The following SLAMF6 variants were observed in gnomAD, a reference collection of about 807,000 sequenced individuals.
The protein encoded by SLAMF6 is NK-T-B-antigen.
Under a neutral mutation model 38.3 loss-of-function variants are expected in SLAMF6, and 21 were observed. The observed-to-expected ratio is 0.55, with a 90% CI of 0.39 to 0.79. The LOEUF (loss-of-function observed/expected upper bound fraction) is 0.79, where lower values mean the gene tolerates loss of function less well. SLAMF6 is among the 30% of genes least tolerant of loss of function. The pLI, the probability that SLAMF6 is intolerant of heterozygous loss-of-function variation, is 0.00. For missense variants in SLAMF6, 341 were observed against 385.3 expected, an observed-to-expected ratio of 0.89 and a Z score of 0.96; for synonymous variants, 152 against 146.3, an observed-to-expected ratio of 1.04 and a Z score of -0.28.
At chr1:160,498,483 T>A (rs1653713913) in intron 1 of SLAMF6, among the ~76,000 whole-genome samples, 1 of 152,132 alleles carries the variant, frequency 6.6e-6, no homozygotes, top group African/African-American at 2.4e-5. Context: ...AAGTCACGTC[T>A]TACATGGTGG....
At chr1:160,513,430 A>G (rs1396239541) in intron 1 of SLAMF6, among the ~76,000 whole-genome samples, 1 of 152,264 alleles carries the variant, frequency 6.6e-6, no homozygotes, top group Non-Finnish European at 1.5e-5. Flanking sequence ...ACAAAGTTGG[A>G]AAACATACTT....
At chr1:160,490,317 T>A (rs1184267457) in intron 4 of SLAMF6, 81 bp from the exon 5 acceptor site, 7 of 1,602,506 alleles carry the variant, frequency 4.4e-6, no homozygotes, top group Non-Finnish European at 6.0e-6. Flanking sequence ...AGTGTTGGGA[T>A]GTGGTGGGAG....
chr1:160,512,330 C>A (rs1654513818), intron 1 of SLAMF6, among the ~76,000 whole-genome samples: 1 of 152,314 alleles, frequency 6.6e-6, no homozygotes, highest in African/African-American at 2.4e-5. Context: ...GCAACTCCAG[C>A]CAAGGGTTTA....
intron 1 of SLAMF6, among the ~76,000 whole-genome samples, chr1:160,508,429 A>G (rs191537742): frequency 4.0e-4 from 61 of 152,326 alleles, no homozygotes; most frequent in Admixed American, 1.2e-3. Context: ...TATTTAATAA[A>G]TGGTGCTGGG....
chr1:160,489,041 T>G (rs1163156477), intron 6 of SLAMF6, 47 bp downstream of exon 6: 7 of 1,517,674 alleles, frequency 4.6e-6, no homozygotes, highest in Non-Finnish European at 6.4e-6. Context: ...TTGTGAACAA[T>G]GGCTGTAAAA....
intron 3 of SLAMF6, 65 bp downstream of exon 3, chr1:160,491,060 A>G: frequency 6.3e-7 from 1 of 1,582,104 alleles, no homozygotes; most frequent in Non-Finnish European, 8.6e-7. Flanking sequence ...GAAATTACGT[A>G]GGATGTGAGG....
chr1:160,492,330 T>C (rs1394107745), intron 2 of SLAMF6, among the ~76,000 whole-genome samples: 1 of 152,170 alleles, frequency 6.6e-6, no homozygotes, highest in Non-Finnish European at 1.5e-5. Flanking sequence ...TACTGAAATA[T>C]TGCCAGAACA....
Position 160,521,306 on chromosome 1 carries a change from T to G in SLAMF6, c.49+1838A>C, listed in dbSNP as rs140948150. The stretch of plus-strand genomic sequence containing the variant: ...CATTTCCCCCATAAATGTGGGGCAG[T>G]GAGCAAGTTACTTTAGTGTTCTGTG... On this transcript the variant is annotated intron_variant, in intron 1 of 7. Coordinates refer to ENST00000368057, the MANE Select transcript of SLAMF6 (RefSeq NM_001184714.2). Among the ~76,000 whole-genome samples the G allele has an allele frequency of 2.6e-3, 389 of 152,306 alleles. 2 individuals carry two copies. The highest frequency in any genetic ancestry group is 8.8e-3 in the African/African-American group (365 of 41,584).
rs1654265011 is a variant in SLAMF6 at position 160,507,743 on chromosome 1, G to C, written c.50-11350C>G. 7.2e-5 allele frequency among the ~76,000 whole-genome samples: 11 copies of C among 152,072 alleles called. No homozygotes were observed. In the South Asian group the frequency reaches 2.3e-3, roughly 32 times the overall value. On this transcript the variant is annotated intron_variant, in intron 1 of 7. Transcript: ENST00000368057. ...GAAATCAAGAACAGAAGGAGAATTG[G>C]AAAATTCACAAATATGTCATAATTA...
intron 4 of SLAMF6, 140 bp from the exon 5 acceptor site, chr1:160,490,376 C>T (rs1367331032): frequency 7.2e-7 from 1 of 1,385,818 alleles, no homozygotes; most frequent in Non-Finnish European, 1.0e-6. Context: ...TCCCACTTTT[C>T]CCAGTAGGAC....
At position 160,486,890 on chromosome 1, in the gene SLAMF6, AT is replaced by A. The variant is rs1571276284; in HGVS notation, c.952-137del. Reference sequence around the variant, plus strand: ...TATTGATAGCATAGGGCAGGATTAAATTTAAAAACATGTAATTGAAAACTCA... The same window carrying A: ...TATTGATAGCATAGGGCAGGATTAAATTAAAAACATGTAATTGAAAACTCA... On this transcript the variant is annotated intron_variant, in intron 7 of 7. Coordinates refer to ENST00000368057, the MANE Select transcript of SLAMF6 (RefSeq NM_001184714.2). 4 of 1,052,890 alleles carry A rather than the reference AT, an allele frequency of 3.8e-6. No homozygotes were observed. In the East Asian group the frequency reaches 1.0e-4, roughly 27 times the overall value. 65.2% of individuals were successfully genotyped at this position (1,052,890 alleles called of 1,614,324 possible).
At chr1:160,493,948 A>T (rs1052104957) in intron 2 of SLAMF6, among the ~76,000 whole-genome samples, 2 of 152,098 alleles carry the variant, frequency 1.3e-5, no homozygotes, top group Non-Finnish European at 2.9e-5. Context: ...GAAACCTCCC[A>T]CATGATCAAA....
chr1:160,485,499 C>A lies in SLAMF6; in HGVS notation c.*1208G>T, dbSNP rs1652918806. The A allele has an allele frequency of 6.6e-6, 1 of 152,154 alleles. No individual in the cohort carries two copies. The highest frequency in any genetic ancestry group is 2.4e-5 in the African/African-American group (1 of 41,404). 9.4% of individuals were successfully genotyped at this position (152,154 alleles called of 1,614,324 possible). Reference sequence around the variant, plus strand: ...AAATAATTAACATAAAGAACTTTTCCTTTAATAGAGGAGCTGAAAGAAGAT... The same window carrying A: ...AAATAATTAACATAAAGAACTTTTCATTTAATAGAGGAGCTGAAAGAAGAT... On this transcript the variant is annotated 3_prime_UTR_variant, in exon 8 of 8. Transcript: ENST00000368057.
intron 1 of SLAMF6, 66 bp downstream of exon 1, chr1:160,523,078 G>T: frequency 1.9e-6 from 3 of 1,557,684 alleles, no homozygotes; most frequent in East Asian, 2.2e-5. Flanking sequence ...AGACGATTTA[G>T]GTTGAGCAAG....
At chr1:160,488,923 G>T (rs912778532) in intron 6 of SLAMF6, among the ~76,000 whole-genome samples, 165 bp downstream of exon 6, 4 of 152,106 alleles carry the variant, frequency 2.6e-5, no homozygotes, top group Non-Finnish European at 5.9e-5. Context: ...GGTGAGAAAG[G>T]CAGACACCAG....
rs561407475 is a variant in SLAMF6 at position 160,505,718 on chromosome 1, A to G, written c.50-9325T>C. Among the ~76,000 whole-genome samples, 7 of 152,300 alleles carry G rather than the reference A, an allele frequency of 4.6e-5. No individual in the cohort carries two copies. The East Asian group carries it at 7.7e-4, about 17-fold the overall frequency. ...CTGCCTGGCCTCAACTATCTTAAAT[A>G]TGCTCAAAAAGCTAAAGGAAACAAT... On this transcript the variant is annotated intron_variant, in intron 1 of 7. Coordinates refer to ENST00000368057, the MANE Select transcript of SLAMF6 (RefSeq NM_001184714.2).
chr1:160,494,719 G>A (rs1653481871), intron 2 of SLAMF6, among the ~76,000 whole-genome samples: 1 of 152,100 alleles, frequency 6.6e-6, no homozygotes, highest in African/African-American at 2.4e-5. Context: ...GCAGCCACAA[G>A]CCAAAGAAAA....
chr1:160,508,180 A>T (rs1002872143), intron 1 of SLAMF6, among the ~76,000 whole-genome samples: 1 of 152,204 alleles, frequency 6.6e-6, no homozygotes, highest in Non-Finnish European at 1.5e-5. Flanking sequence ...TATGGAACCA[A>T]AAAAGAGCCC....
chr1:160,493,520 G>A (rs567347002), intron 2 of SLAMF6, among the ~76,000 whole-genome samples: 1 of 152,238 alleles, frequency 6.6e-6, no homozygotes, highest in African/African-American at 2.4e-5. Flanking sequence ...CTTCCAGAAT[G>A]TCTGCTCCAT....
Sources: allele counts gnomAD v4.1 joint callset (sites outside exome capture counted in the v4.1 genomes callset), GRCh38; gene constraint gnomAD v4.1.1; transcripts MANE v1.5; gene names NCBI Gene and HGNC (gene_info 2026-07-23, HGNC 2026-07-21).